CBARP: variants seen among roughly 807,000 people sequenced by gnomAD.
CBARP encodes voltage-dependent calcium channel beta subunit-associated regulatory protein.
A neutral mutation model predicts 36.3 loss-of-function variants in CBARP; 24 were observed. The ratio of observed to expected loss-of-function variants is 0.66; its 90% CI spans 0.48 to 0.93. The LOEUF (loss-of-function observed/expected upper bound fraction) is 0.93, where lower values mean the gene tolerates loss of function less well. CBARP is among the 40% of genes least tolerant of loss of function. The pLI, the probability that CBARP is intolerant of heterozygous loss-of-function variation, is 0.00. For missense variants in CBARP, 1,146 were observed against 980.4 expected (o/e 1.17, Z -2.26); for synonymous variants, 586 against 453.2 (o/e 1.29, Z -3.72).
Position 1,236,054 on chromosome 19 carries a change from GTGGTGGTGGTGGTGGCGGCTGTGGCCA to G in CBARP, c.20_46del (p.Met7_Thr15del), listed in dbSNP as rs2080967710. 6.6e-7 allele frequency: 1 copy of G among 1,516,120 alleles called. No homozygotes were observed. The highest frequency in any genetic ancestry group is 1.4e-5 in the African/African-American group (1 of 71,788). 93.9% of individuals were successfully genotyped at this position (1,516,120 alleles called of 1,614,324 possible). On this transcript the variant is annotated inframe_deletion, in exon 2 of 10. Transcript: ENST00000650044. ...CGTCAGGGCTACTGTGGCAGTGGTGGTGGTGGTGGTGGTGGCGGCTGTGGCCATGGTGGCTGTGGGCTGCATTCTGAA... is the reference window on the plus strand; with the variant it reads ...CGTCAGGGCTACTGTGGCAGTGGTGGTGGTGGCTGTGGGCTGCATTCTGAA...
intron 4 of CBARP, 52 bp from the exon 5 acceptor site, chr19:1,235,197 C>A (rs2080950146): frequency 1.4e-6 from 2 of 1,453,794 alleles, no homozygotes; most frequent in Non-Finnish European, 1.8e-6. Context: ...CGCCAGGCGC[C>A]TGGTCCCGGG....
At position 1,230,754 on chromosome 19, in the gene CBARP, C is replaced by A. The variant is rs1411765242; in HGVS notation, c.1154+347G>T. On this transcript the variant is annotated intron_variant, in intron 9 of 9. Coordinates refer to ENST00000650044, the MANE Select transcript of CBARP (RefSeq NM_001393918.1). ...CAGCTTCTGAGAGGAGTCTGCCCAG[C>A]CTTGGGAGCATGGGCGGGGCGGGGG... is the stretch of plus-strand genomic sequence containing the variant. The A allele has an allele frequency of 2.4e-5, 33 of 1,353,176 alleles. No homozygotes were observed. The Admixed American group carries it at 6.6e-4, about 27-fold the overall frequency. The allele number at this position is 1,353,176 out of a possible 1,614,324, so 83.8% of individuals were successfully genotyped here.
Position 1,237,957 on chromosome 19 carries a change from G to A in CBARP, c.-223C>T, listed in dbSNP as rs2145464877. 1 of 146,842 alleles carries A rather than the reference G, an allele frequency of 6.8e-6. No homozygotes were observed. The highest frequency in any genetic ancestry group is 6.8e-5 in the Admixed American group (1 of 14,796). The allele number at this position is 146,842 out of a possible 1,614,324, so 9.1% of individuals were successfully genotyped here. On this transcript the variant is annotated 5_prime_UTR_variant, in exon 1 of 10. Transcript: ENST00000650044. ...GGCGCGCCCGCTCCGCGCGCCCGGT[G>A]CTGCCCGGTCCCCGGCCCGCCGCCC...
chr19:1,236,267 C>T (rs895850167), intron 1 of CBARP, 146 bp from the exon 2 acceptor site: 7 of 1,198,948 alleles, frequency 5.8e-6, no homozygotes, highest in East Asian at 3.1e-5. Context: ...GAGGCAGCCT[C>T]CACCCGGCTT....
intron 8 of CBARP, 51 bp downstream of exon 8, chr19:1,233,374 AG>A: frequency 6.7e-7 from 1 of 1,487,392 alleles, no homozygotes; most frequent in Non-Finnish European, 9.1e-7. Context: ...AGCCCCTGGC[AG>A]CCAGCACCCA....
chr19:1,234,639 C>T lies in CBARP; in HGVS notation c.559G>A (p.Gly187Ser), dbSNP rs748997114. The T allele has an allele frequency of 6.2e-7, 1 of 1,611,172 alleles. No individual in the cohort carries two copies. The highest frequency in any genetic ancestry group is 8.5e-7 in the Non-Finnish European group (1 of 1,179,148). The stretch of plus-strand genomic sequence containing the variant: ...GGCGTGGTGGCTGAGCTGGCCTCGC[C>T]TGAGTCACACTCGTGGATGGTGACA... ...KIVTIHECDS[G>S]EASSATTPHP... Residue 187 changes from glycine to serine, a missense_variant, in exon 6 of 10, where the codon GGC becomes AGC. Coordinates refer to ENST00000650044, the MANE Select transcript of CBARP (RefSeq NM_001393918.1).
In CBARP at chr19:1,228,345, A is replaced by G. The variant is rs2080844326; in HGVS notation, c.*834T>C. The G allele has an allele frequency of 4.1e-6, 1 of 245,404 alleles. No individual in the cohort carries two copies. The highest frequency in any genetic ancestry group is 7.7e-6 in the Non-Finnish European group (1 of 129,658). The allele number at this position is 245,404 out of a possible 1,614,324, so 15.2% of individuals were successfully genotyped here. On this transcript the variant is annotated 3_prime_UTR_variant, in exon 10 of 10. Transcript: ENST00000650044. ...AAAACACGAGAAACGCCATCGCGGG[A>G]TGGTGCAGACGCGGCGGGGACTCGG... is the stretch of plus-strand genomic sequence containing the variant.
In CBARP at chr19:1,228,556, CCGGCGGCAG is replaced by C. The variant is rs978051476; in HGVS notation, c.*614_*622del. On this transcript the variant is annotated 3_prime_UTR_variant, in exon 10 of 10. Coordinates refer to ENST00000650044, the MANE Select transcript of CBARP (RefSeq NM_001393918.1). ...AGGGCCGGGGCCGGCTCCCTCAGGG[CCGGCGGCAG>C]CAGCGGTGGCGGCGCGGTTATTGCT... 14 of 174,786 alleles carry C rather than the reference CCGGCGGCAG, an allele frequency of 8.0e-5. No individual in the cohort carries two copies. The highest frequency in any genetic ancestry group is 3.1e-4 in the African/African-American group (13 of 42,024). The allele number at this position is 174,786 out of a possible 1,614,324, so 10.8% of individuals were successfully genotyped here.
chr19:1,229,352 C>G lies in CBARP; in HGVS notation c.1945G>C (p.Gly649Arg), dbSNP rs1224187010. 8.4e-7 allele frequency: 1 copy of G among 1,192,816 alleles called. No individual in the cohort carries two copies. Among genetic ancestry groups the G allele is most frequent in the Non-Finnish European group, 1.1e-6 (1 of 940,038 alleles). 73.9% of individuals were successfully genotyped at this position (1,192,816 alleles called of 1,614,324 possible). The change falls in exon 10 of 10, where the codon GGC becomes CGC. Residue 649 changes from glycine to arginine, a missense_variant. Gly to Arg is a moderately radical substitution (Grantham distance 125). Coordinates refer to ENST00000650044, the MANE Select transcript of CBARP (RefSeq NM_001393918.1). This position sits in a 1 kb window ranked among gnomAD's most constrained non-coding sequence, Gnocchi z 5.1. ...AIPVIEEEPG[G>R]GGCPGSGLCV... ...AGGCCCGAGCCGGGGCACCCCCCGCCGCCCGGCTCCTCCTCGATGACGGGG... is the reference window on the plus strand; with the variant it reads ...AGGCCCGAGCCGGGGCACCCCCCGCGGCCCGGCTCCTCCTCGATGACGGGG...
intron 6 of CBARP, 80 bp from the exon 7 acceptor site, chr19:1,234,411 G>C: frequency 7.0e-7 from 1 of 1,433,916 alleles, no homozygotes; most frequent in Non-Finnish European, 9.1e-7. Flanking sequence ...GGCAGGTGAG[G>C]AGCATGCTGG....
rs1381092480 is a variant in CBARP at position 1,229,172 on chromosome 19, G to T, written c.*7C>A. The stretch of plus-strand genomic sequence containing the variant: ...GCTGCCAGAGAGATGGGCCCAGGAC[G>T]CGGGACTTAGGCCGGGCTGTGGTCG... On this transcript the variant is annotated 3_prime_UTR_variant, in exon 10 of 10. Transcript: ENST00000650044. This position sits in a 1 kb window ranked among gnomAD's most constrained non-coding sequence, Gnocchi z 5.1. The T allele has an allele frequency of 6.3e-6, 7 of 1,117,200 alleles. No homozygotes were observed. Among genetic ancestry groups the T allele is most frequent in the Non-Finnish European group, 7.8e-6 (7 of 892,356 alleles). 69.2% of individuals were successfully genotyped at this position (1,117,200 alleles called of 1,614,324 possible).
intron 8 of CBARP, among the ~76,000 whole-genome samples, chr19:1,231,565 C>T (rs1192758175): frequency 1.7e-4 from 15 of 87,752 alleles, no homozygotes; most frequent in African/African-American, 6.7e-4. Flanking sequence ...CGCCTGTGCC[C>T]CCCCCACAGA....
Position 1,234,608 on chromosome 19 carries a change from G to T in CBARP, c.590C>A (p.Pro197Gln), listed in dbSNP as rs754155439. ...CAGAGTGGCCTTGGGAGAGGTGGCC[G>T]GGTGGGGCGTGGTGGCTGAGCTGGC... ...GEASSATTPH[P>Q]ATSPKATLAI... Residue 197 changes from proline (P) to glutamine (Q), a missense_variant, in exon 6 of 10, where the codon CCG (proline) becomes CAG (glutamine). Coordinates refer to ENST00000650044, the MANE Select transcript of CBARP (RefSeq NM_001393918.1). The T allele has an allele frequency of 1.9e-6, 3 of 1,608,650 alleles. No homozygotes were observed. The East Asian group carries it at 6.7e-5, about 36-fold the overall frequency.
In CBARP at chr19:1,229,594, C is replaced by A; in HGVS notation, c.1703G>T (p.Arg568Leu). ...PHFDDTPAAA[R>L]HRARAHPHAR... ...GTGCGGGTGCGCGCGGGCGCGGTGT[C>A]GCGCGGCAGCCGGCGTGTCGTCGAA... Residue 568 changes from arginine (R) to leucine (L), a missense_variant, in exon 10 of 10, where the codon CGA becomes CTA. Transcript: ENST00000650044. This position sits in a 1 kb window ranked among gnomAD's most constrained non-coding sequence, Gnocchi z 5.1. 8.4e-7 allele frequency: 1 copy of A among 1,191,310 alleles called. No homozygotes were observed. The highest frequency in any genetic ancestry group is 1.1e-6 in the Non-Finnish European group (1 of 943,670). The allele number at this position is 1,191,310 out of a possible 1,614,324, so 73.8% of individuals were successfully genotyped here. A position where few individuals can be genotyped will look rare whatever the true frequency, so the allele number is the denominator to read the frequency against.
rs201558558 is a variant in CBARP at position 1,234,688 on chromosome 19, G to A, written c.510C>T (p.His170=). 4.6e-4 allele frequency: 748 copies of A among 1,613,072 alleles called. 1 individual carries two copies. The highest frequency in any genetic ancestry group is 1.1e-4 in the Non-Finnish European group (132 of 1,179,748). The change falls in exon 6 of 10, where the codon CAC becomes CAT. Residue 170 remains histidine (H), a synonymous_variant. Transcript: ENST00000650044. ...FHHLKNARLT[H]LHLPPLKIVT... ...CAATCTTGAGGGGCGGCAGGTGCAG[G>A]TGCGTGAGCCGGGCATTCTTCAGGT...
Position 1,236,138 on chromosome 19 carries a change from T to A in CBARP, c.-21-17A>T. 15 of 1,406,482 alleles carry A rather than the reference T, an allele frequency of 1.1e-5. No individual in the cohort carries two copies. The highest frequency in any genetic ancestry group is 1.3e-5 in the Non-Finnish European group (14 of 1,084,382). The allele number at this position is 1,406,482 out of a possible 1,614,324, so 87.1% of individuals were successfully genotyped here. On this transcript the variant is annotated splice_polypyrimidine_tract_variant and intron_variant, in intron 1 of 9. Transcript: ENST00000650044. ...AGGAGGGCCCTGTGGGGAGGAAGCC[T>A]GGTCAGCTCCAGCTAGACCTACTTC...
intron 8 of CBARP, among the ~76,000 whole-genome samples, chr19:1,232,076 C>T (rs779962331): frequency 1.3e-5 from 2 of 152,052 alleles, no homozygotes; most frequent in African/African-American, 2.4e-5. Context: ...GTCTGGAGAG[C>T]GCTGGGGGAC....
Position 1,235,217 on chromosome 19 carries a change from C to T in CBARP, c.311-72G>A, listed in dbSNP as rs1046221688. Reference sequence around the variant, plus strand: ...GGCGCCTGGTCCCGGGAGGGCTGCTCCTCCGGGCGGCCACGGCAGGGAGGG... The same window carrying T: ...GGCGCCTGGTCCCGGGAGGGCTGCTTCTCCGGGCGGCCACGGCAGGGAGGG... On this transcript the variant is annotated intron_variant, in intron 4 of 9. Transcript: ENST00000650044. 1.8e-5 allele frequency: 25 copies of T among 1,379,096 alleles called. No homozygotes were observed. In the Middle Eastern group the frequency reaches 8.0e-4, roughly 44 times the overall value. The allele number at this position is 1,379,096 out of a possible 1,614,324, so 85.4% of individuals were successfully genotyped here.
Position 1,229,142 on chromosome 19 carries a change from G to A in CBARP, c.*37C>T, listed in dbSNP as rs894090225. ...GCCGCCGAGGCCCCGTGCGGCGCCG[G>A]AGAAGCTGCCAGAGAGATGGGCCCA... On this transcript the variant is annotated 3_prime_UTR_variant, in exon 10 of 10. Transcript: ENST00000650044. The surrounding 1 kb of genome is among the most constrained non-coding windows in gnomAD (Gnocchi z 5.1). The A allele has an allele frequency of 7.5e-6, 7 of 933,952 alleles. No homozygotes were observed. In the South Asian group the frequency reaches 1.7e-4, roughly 22 times the overall value. The allele number at this position is 933,952 out of a possible 1,614,324, so 57.9% of individuals were successfully genotyped here. A position where few individuals can be genotyped will look rare whatever the true frequency, so the allele number is the denominator to read the frequency against.
Sources: allele counts gnomAD v4.1 joint callset (sites outside exome capture counted in the v4.1 genomes callset), GRCh38; gene constraint gnomAD v4.1.1; non-coding constraint Gnocchi (gnomAD v3.1); transcripts MANE v1.5; gene names NCBI Gene and HGNC (gene_info 2026-07-23, HGNC 2026-07-21).